POFUT2: variants seen among roughly 807,000 people sequenced by gnomAD.
POFUT2 encodes the protein protein O-fucosyltransferase 2.
POFUT2 carries 30 observed loss-of-function variants against 55.0 expected under a neutral mutation model. The observed-to-expected ratio is 0.55, with a 90% CI of 0.41 to 0.74. The LOEUF is 0.74. POFUT2 is among the 30% of genes least tolerant of loss of function. POFUT2 has a pLI of 0.00. For synonymous variants in POFUT2, 267 were observed against 231.1 expected (o/e 1.16, Z -1.41); for missense variants, 524 against 562.6 (o/e 0.93, Z 0.69).
At chr21:45,268,757 A>G (rs373008894) in intron 7 of POFUT2, among the ~76,000 whole-genome samples, 5 of 139,990 alleles carry the variant, frequency 3.6e-5, no homozygotes, top group African/African-American at 1.1e-4. Flanking sequence ...CAGCCACCCC[A>G]TCTGGGAAGT....
rs181931195 is a variant in POFUT2 at position 45,277,944 on chromosome 21, G to A, written c.705+159C>T. Among the ~76,000 whole-genome samples the A allele has an allele frequency of 6.6e-6, 1 of 152,326 alleles. No individual in the cohort carries two copies. Among genetic ancestry groups the A allele is most frequent in the East Asian group, 1.9e-4 (1 of 5,178 alleles). ...TGGCTCTGCAGCCACGTGAGGCTTG[G>A]GGGTGGCACAGTCACCGCAGTTGCC... is the stretch of plus-strand genomic sequence containing the variant. On this transcript the variant is annotated intron_variant, in intron 5 of 8. Transcript: ENST00000349485. The surrounding 1 kb of genome is among the most constrained non-coding windows in gnomAD (Gnocchi z 6.9).
chr21:45,279,748 G>A (rs1289503651), intron 4 of POFUT2, among the ~76,000 whole-genome samples: 2 of 152,176 alleles, frequency 1.3e-5, no homozygotes, highest in African/African-American at 4.8e-5. Context: ...CAGAAACCTG[G>A]AAACAACCAA....
In POFUT2 at chr21:45,277,193, C is replaced by A. The variant is rs781286181; in HGVS notation, c.706-51G>T. 6.3e-7 allele frequency: 1 copy of A among 1,592,834 alleles called. No homozygotes were observed. Among genetic ancestry groups the A allele is most frequent in the Non-Finnish European group, 8.5e-7 (1 of 1,172,440 alleles). ...GAGAACACGCCCGCCCGCCACGCAG[C>A]CCTCCCGGAGCGGGTTCTCCTGTCG... On this transcript the variant is annotated intron_variant, in intron 5 of 8. Transcript: ENST00000349485. The surrounding 1 kb of genome is among the most constrained non-coding windows in gnomAD (Gnocchi z 6.9).
chr21:45,266,940 AG>A (rs751197932), intron 8 of POFUT2: 51 of 1,017,654 alleles, frequency 5.0e-5, no homozygotes, highest in Non-Finnish European at 6.0e-5. Context: ...AGGTCTTTGG[AG>A]GAACAGAGGC....
chr21:45,271,982 C>T (rs770533448), intron 6 of POFUT2, among the ~76,000 whole-genome samples: 2 of 151,922 alleles, frequency 1.3e-5, no homozygotes, highest in Non-Finnish European at 2.9e-5. Context: ...TAAAACAACG[C>T]AATGAAAAAG....
chr21:45,273,664 CCAAGT>C (rs1407492873), intron 6 of POFUT2, among the ~76,000 whole-genome samples: 1 of 152,090 alleles, frequency 6.6e-6, no homozygotes, highest in East Asian at 1.9e-4. Flanking sequence ...TTTAACATAT[CCAAGT>C]CAACAAATGT....
rs777680198 is a variant in POFUT2, at chr21:45,287,806, G to A, written c.66C>T (p.Ser22=). The A allele has an allele frequency of 1.7e-5, 26 of 1,511,582 alleles. No homozygotes were observed. Among genetic ancestry groups the A allele is most frequent in the East Asian group, 2.6e-5 (1 of 38,006 alleles). 93.6% of individuals were successfully genotyped at this position (1,511,582 alleles called of 1,614,324 possible). ...ATTGTCCGGGCCAGAACTCCTGGCC[G>A]GAGGCAGAAGCCGGAGGCCAGGACA... ...GAVSWPPASA[S]GQEFWPGQSA... The change falls in exon 1 of 9, where the codon TCC becomes TCT. Residue 22 remains serine (S), a synonymous_variant. Transcript: ENST00000349485.
In POFUT2 at chr21:45,277,178, C is replaced by G; in HGVS notation, c.706-36G>C. 6.2e-7 allele frequency: 1 copy of G among 1,601,172 alleles called. No individual in the cohort carries two copies. Among genetic ancestry groups the G allele is most frequent in the Non-Finnish European group, 8.5e-7 (1 of 1,175,990 alleles). ...GGCGACGGCTCGGCTGAGAACACGC[C>G]CGCCCGCCACGCAGCCCTCCCGGAG... is the stretch of plus-strand genomic sequence containing the variant. On this transcript the variant is annotated intron_variant, in intron 5 of 8. Coordinates refer to ENST00000349485, the MANE Select transcript of POFUT2 (RefSeq NM_133635.6). The surrounding 1 kb of genome is among the most constrained non-coding windows in gnomAD (Gnocchi z 6.9).
chr21:45,265,558 T>C lies in POFUT2; in HGVS notation c.1214A>G (p.Lys405Arg), dbSNP rs908114725. 6.2e-7 allele frequency: 1 copy of C among 1,614,010 alleles called. No individual in the cohort carries two copies. Among genetic ancestry groups the C allele is most frequent in the Non-Finnish European group, 8.5e-7 (1 of 1,179,998 alleles). Residue 405 changes from lysine to arginine, a missense_variant, in exon 9 of 9, where the codon AAG becomes AGG. Physicochemically the swap from Lys to Arg is conservative, Grantham distance 26. Coordinates refer to ENST00000349485, the MANE Select transcript of POFUT2 (RefSeq NM_133635.6). The surrounding 1 kb of genome is among the most constrained non-coding windows in gnomAD (Gnocchi z 4.6). ...EEREILGLDP[K>R]TTYNRFCGDQ... ...TCCGCAGAACCTGTTGTACGTCGTC[T>C]TGGGGTCCAACCCCAGGATTTCTCT...
In POFUT2 at chr21:45,267,277, G is replaced by C. The variant is rs1198353823; in HGVS notation, c.1136+313C>G. The C allele has an allele frequency of 6.9e-7, 1 of 1,445,600 alleles. No homozygotes were observed. The highest frequency in any genetic ancestry group is 1.4e-5 in the African/African-American group (1 of 70,188). The allele number at this position is 1,445,600 out of a possible 1,614,324, so 89.5% of individuals were successfully genotyped here. A position where few individuals can be genotyped will look rare whatever the true frequency, so the allele number is the denominator to read the frequency against. On this transcript the variant is annotated intron_variant, in intron 8 of 8. Transcript: ENST00000349485. This position sits in a 1 kb window ranked among gnomAD's most constrained non-coding sequence, Gnocchi z 4.4. ...CGGGCAACTCTCAGGGCAGGGGGCA[G>C]ACAGGGGCAGAAACCGGGAATGATG...
rs2093210371 is a variant in POFUT2, at chr21:45,270,610, C to T, written c.832-591G>A. Among the ~76,000 whole-genome samples, 1 of 152,202 alleles carries T rather than the reference C, an allele frequency of 6.6e-6. No homozygotes were observed. Among genetic ancestry groups the T allele is most frequent in the South Asian group, 2.1e-4 (1 of 4,830 alleles). ...CAGCATTCGAGAAAGCCAGTGCACTCAACAAAACTACAACCAAGGACCCCC... is the reference window on the plus strand; with the variant it reads ...CAGCATTCGAGAAAGCCAGTGCACTTAACAAAACTACAACCAAGGACCCCC... On this transcript the variant is annotated intron_variant, in intron 6 of 8. Coordinates refer to ENST00000349485, the MANE Select transcript of POFUT2 (RefSeq NM_133635.6). This position sits in a 1 kb window ranked among gnomAD's most constrained non-coding sequence, Gnocchi z 4.6.
At chr21:45,274,600 G>A (rs1039489079) in intron 6 of POFUT2, among the ~76,000 whole-genome samples, 3 of 152,196 alleles carry the variant, frequency 2.0e-5, no homozygotes, top group African/African-American at 4.8e-5. Flanking sequence ...GCATGGTACC[G>A]CTATAAAAAT....
At position 45,283,409 on chromosome 21, in the gene POFUT2, G is replaced by A. The variant is rs1342738006; in HGVS notation, c.501C>T (p.Tyr167=). Residue 167 remains tyrosine, a synonymous_variant, in exon 3 of 9, where the codon TAC becomes TAT. Coordinates refer to ENST00000349485, the MANE Select transcript of POFUT2 (RefSeq NM_133635.6). ...TGTAGTACTCGTGCTTGTCCTGGGA[G>A]TACAGGAGCTGATCAATACACGGCC... ...DERPCIDQLL[Y]SQDKHEYYRG... 9.9e-6 allele frequency: 16 copies of A among 1,612,672 alleles called. No homozygotes were observed. Among genetic ancestry groups the A allele is most frequent in the Admixed American group, 8.3e-5 (5 of 59,948 alleles).
At chr21:45,275,614 C>T (rs1224485733) in intron 6 of POFUT2, among the ~76,000 whole-genome samples, 1 of 152,166 alleles carries the variant, frequency 6.6e-6, no homozygotes. Context: ...CTGGATGGAG[C>T]TGGAGACCAT....
chr21:45,278,495 T>C (rs1275159339), intron 4 of POFUT2, among the ~76,000 whole-genome samples: 3 of 152,228 alleles, frequency 2.0e-5, no homozygotes, highest in South Asian at 4.1e-4. Context: ...TATGGCAAGC[T>C]GCAGGCGTGC....
Position 45,277,980 on chromosome 21 carries a change from G to A in POFUT2, c.705+123C>T. 4.5e-6 allele frequency: 4 copies of A among 886,620 alleles called. No individual in the cohort carries two copies. Among genetic ancestry groups the A allele is most frequent in the Non-Finnish European group, 1.9e-6 (1 of 535,142 alleles). 54.9% of individuals were successfully genotyped at this position (886,620 alleles called of 1,614,324 possible). A position where few individuals can be genotyped will look rare whatever the true frequency, so the allele number is the denominator to read the frequency against. ...GTCACCGCAGTTGCCCAAATCCATG[G>A]CTTAAAATGATGGTTTTAATCAGCA... On this transcript the variant is annotated intron_variant, in intron 5 of 8. Coordinates refer to ENST00000349485, the MANE Select transcript of POFUT2 (RefSeq NM_133635.6). The surrounding 1 kb of genome is among the most constrained non-coding windows in gnomAD (Gnocchi z 6.9).
At position 45,277,797 on chromosome 21, in the gene POFUT2, T is replaced by G; in HGVS notation, c.705+306A>C. ...AGCTAAAGAGAGGAGAAAGGAGGGG[T>G]CTACGTTCCAGCCACTGACGGAGTC... On this transcript the variant is annotated intron_variant, in intron 5 of 8. Transcript: ENST00000349485. The surrounding 1 kb of genome is among the most constrained non-coding windows in gnomAD (Gnocchi z 6.9). The G allele has an allele frequency of 2.2e-6, 1 of 446,550 alleles. No individual in the cohort carries two copies. Among genetic ancestry groups the G allele is most frequent in the Non-Finnish European group, 4.0e-6 (1 of 247,408 alleles). 27.7% of individuals were successfully genotyped at this position (446,550 alleles called of 1,614,324 possible). A position where few individuals can be genotyped will look rare whatever the true frequency, so the allele number is the denominator to read the frequency against.
At chr21:45,283,115 C>G (rs1234621233) in intron 3 of POFUT2, among the ~76,000 whole-genome samples, 1 of 151,350 alleles carries the variant, frequency 6.6e-6, no homozygotes, top group Non-Finnish European at 1.5e-5. Context: ...GCAACACTGT[C>G]AGGATGCCCA....
Position 45,267,287 on chromosome 21 carries a change from G to T in POFUT2, c.1136+303C>A. On this transcript the variant is annotated intron_variant, in intron 8 of 8. Coordinates refer to ENST00000349485, the MANE Select transcript of POFUT2 (RefSeq NM_133635.6). This position sits in a 1 kb window ranked among gnomAD's most constrained non-coding sequence, Gnocchi z 4.4. ...TCAGGGCAGGGGGCAGACAGGGGCA[G>T]AAACCGGGAATGATGGGAAAATGCG... The T allele has an allele frequency of 6.9e-7, 1 of 1,449,918 alleles. No homozygotes were observed. The allele number at this position is 1,449,918 out of a possible 1,614,324, so 89.8% of individuals were successfully genotyped here. A position where few individuals can be genotyped will look rare whatever the true frequency, so the allele number is the denominator to read the frequency against.
Sources: allele counts gnomAD v4.1 joint callset (sites outside exome capture counted in the v4.1 genomes callset), GRCh38; gene constraint gnomAD v4.1.1; non-coding constraint Gnocchi (gnomAD v3.1); transcripts MANE v1.5; gene names NCBI Gene and HGNC (gene_info 2026-07-23, HGNC 2026-07-21).